Variants in FER observed in about 807,000 individuals in gnomAD.
The protein encoded by FER is tyrosine-protein kinase Fer.
Under a neutral mutation model 111.0 loss-of-function variants are expected in FER, and 63 were observed. That is an observed-to-expected ratio of 0.57 (90% CI 0.46 to 0.70). FER has a LOEUF of 0.70. Among genes scored for constraint, FER ranks in the 30% least tolerant of loss-of-function variants. The pLI is 0.00. For synonymous variants in FER, 327 were observed against 313.9 expected (o/e 1.04, Z -0.44); for missense variants, 914 against 954.0 (o/e 0.96, Z 0.55).
chr5:109,156,170 G>A (rs75155697), intron 17 of FER, among the ~76,000 whole-genome samples: 1,586 of 152,094 alleles, frequency 0.01, 23 homozygotes, highest in African/African-American at 0.036. Flanking sequence ...AACGCTTAAA[G>A]CAAGCTAATA....
At chr5:108,783,220 TCC>T (rs1293344223) in intron 2 of FER, among the ~76,000 whole-genome samples, 1 of 152,226 alleles carries the variant, frequency 6.6e-6, no homozygotes, top group Non-Finnish European at 1.5e-5. Context: ...ATTGACTGTA[TCC>T]TGTGTCATCT....
chr5:108,805,670 T>C (rs1757132008), intron 3 of FER, among the ~76,000 whole-genome samples: 1 of 152,138 alleles, frequency 6.6e-6, no homozygotes, highest in Non-Finnish European at 1.5e-5. Context: ...GTGACTCTTG[T>C]TTTGTTGCAG....
At chr5:108,765,430 CT>C (rs999012107) in intron 1 of FER, among the ~76,000 whole-genome samples, 1 of 151,178 alleles carries the variant, frequency 6.6e-6, no homozygotes. Flanking sequence ...TTTCTCTTTT[CT>C]TTTTTTTTGA....
At chr5:108,900,923 C>G (rs535759265) in intron 10 of FER, among the ~76,000 whole-genome samples, 1 of 152,156 alleles carries the variant, frequency 6.6e-6, no homozygotes. Context: ...CGTTTGCTCT[C>G]TCCAAAACTC....
At chr5:109,117,415 G>A (rs143094729) in intron 17 of FER, among the ~76,000 whole-genome samples, 17 of 152,154 alleles carry the variant, frequency 1.1e-4, no homozygotes, top group African/African-American at 3.9e-4. Flanking sequence ...ACATTGTCGT[G>A]TACTTCTATC....
intron 10 of FER, among the ~76,000 whole-genome samples, chr5:108,922,364 A>G (rs1401831116): frequency 2.0e-5 from 3 of 152,222 alleles, no homozygotes; most frequent in East Asian, 1.9e-4. Context: ...CTAGTGAGGT[A>G]TCTAGATGAC....
In FER at chr5:109,107,470, C is replaced by T. The variant is rs576338460; in HGVS notation, c.2048+6951C>T. Among the ~76,000 whole-genome samples the T allele has an allele frequency of 4.6e-5, 7 of 152,112 alleles. No homozygotes were observed. The East Asian group carries it at 1.4e-3, about 29-fold the overall frequency. ...TACCCAGTAGTTTCTTTTTCTGCTC[C>T]TCTCCCTCCCTCCACCCTCTACCCT... On this transcript the variant is annotated intron_variant, in intron 17 of 19. Coordinates refer to ENST00000281092, the MANE Select transcript of FER (RefSeq NM_005246.4).
At chr5:109,096,540 C>T (rs1302535194) in intron 16 of FER, among the ~76,000 whole-genome samples, 1 of 151,868 alleles carries the variant, frequency 6.6e-6, no homozygotes, top group Non-Finnish European at 1.5e-5. Context: ...CTAAGGCTGC[C>T]AATCTTCACG....
In FER at chr5:109,142,158, C is replaced by G. The variant is rs1223880408; in HGVS notation, c.2049-38589C>G. ...TGAAGATAGAGTGGGAAGGAGGATA[C>G]AGAGACTGCCATAAAAACCTGTTCA... On this transcript the variant is annotated intron_variant, in intron 17 of 19. Coordinates refer to ENST00000281092, the MANE Select transcript of FER (RefSeq NM_005246.4). 2.0e-5 allele frequency among the ~76,000 whole-genome samples: 3 copies of G among 152,240 alleles called. No homozygotes were observed. In the East Asian group the frequency reaches 5.8e-4, roughly 29 times the overall value.
intron 17 of FER, among the ~76,000 whole-genome samples, chr5:109,172,484 T>G (rs1582381012): frequency 2.3e-5 from 1 of 43,574 alleles, no homozygotes; most frequent in African/African-American, 9.5e-5. Context: ...GGGACTGTTG[T>G]GGGGTGGGGG....
chr5:108,865,135 T>C (rs1478572937), intron 5 of FER, among the ~76,000 whole-genome samples: 4 of 152,156 alleles, frequency 2.6e-5, no homozygotes, highest in African/African-American at 9.7e-5. Flanking sequence ...GAATGGGAGT[T>C]CACTCATGAT....
intron 10 of FER, among the ~76,000 whole-genome samples, chr5:108,941,033 A>G (rs1581308093): frequency 6.6e-6 from 1 of 152,140 alleles, no homozygotes. Context: ...GGGTGAGAGC[A>G]AAGAGACTTC....
chr5:109,136,849 C>G (rs1752947146), intron 17 of FER, among the ~76,000 whole-genome samples: 1 of 152,114 alleles, frequency 6.6e-6, no homozygotes, highest in African/African-American at 2.4e-5. Flanking sequence ...GCTTTAACCA[C>G]TATGGCATTT....
intron 16 of FER, among the ~76,000 whole-genome samples, chr5:109,064,820 A>G (rs1581871112): frequency 6.6e-6 from 1 of 152,308 alleles, no homozygotes; most frequent in East Asian, 1.9e-4. Flanking sequence ...ATGAATACAT[A>G]TGTATCCTTC....
At chr5:108,785,326 C>T (rs540875771) in intron 2 of FER, 20 of 563,228 alleles carry the variant, frequency 3.6e-5, no homozygotes, top group Non-Finnish European at 6.6e-5. Context: ...CCCTGTGCTT[C>T]AGCCCCAACT....
intron 3 of FER, among the ~76,000 whole-genome samples, chr5:108,819,235 C>T (rs1758591563): frequency 6.7e-6 from 1 of 149,876 alleles, no homozygotes; most frequent in Admixed American, 6.7e-5. Context: ...TTTGCCCACG[C>T]TCGTCTTGAA....
intron 17 of FER, among the ~76,000 whole-genome samples, chr5:109,168,369 C>G (rs2126784101): frequency 6.6e-6 from 1 of 152,178 alleles, no homozygotes; most frequent in South Asian, 2.1e-4. Context: ...ACCAGAAAGA[C>G]CAAGGCATGA....
At chr5:109,098,746 A>G (rs1561892373) in intron 16 of FER, among the ~76,000 whole-genome samples, 1 of 151,696 alleles carries the variant, frequency 6.6e-6, no homozygotes, top group Non-Finnish European at 1.5e-5. Context: ...TTCAGTCATC[A>G]TCCTGGTAAT....
At chr5:108,915,309 CTA>C (rs1581181492) in intron 10 of FER, among the ~76,000 whole-genome samples, 1 of 151,980 alleles carries the variant, frequency 6.6e-6, no homozygotes, top group East Asian at 1.9e-4. Flanking sequence ...CCCGTCTCTA[CTA>C]AAAATACAAA....
Sources: allele counts gnomAD v4.1 joint callset (sites outside exome capture counted in the v4.1 genomes callset), GRCh38; gene constraint gnomAD v4.1.1; transcripts MANE v1.5; gene names NCBI Gene and HGNC (gene_info 2026-07-23, HGNC 2026-07-21).